CARD14: variants seen among roughly 807,000 people sequenced by gnomAD.
The protein encoded by CARD14 is caspase recruitment domain family member 14.
In CARD14, 107 loss-of-function variants were observed where a neutral mutation model predicts 111.5. The observed-to-expected ratio is 0.96, with a 90% CI of 0.82 to 1.13. The LOEUF (loss-of-function observed/expected upper bound fraction) is 1.13, where lower values mean the gene tolerates loss of function less well. Among genes scored for constraint, CARD14 ranks in the 50% most tolerant of loss-of-function variants. The pLI is 0.00. For synonymous variants in CARD14, 617 were observed against 579.6 expected, an observed-to-expected ratio of 1.06 and a Z score of -0.93; for missense variants, 1,322 against 1,362.3, an observed-to-expected ratio of 0.97 and a Z score of 0.47.
In CARD14 at chr17:80,195,891, G is replaced by T; in HGVS notation, c.1594+239G>T. The T allele has an allele frequency of 1.9e-6, 1 of 522,622 alleles. No individual in the cohort carries two copies. The highest frequency in any genetic ancestry group is 3.4e-6 in the Non-Finnish European group (1 of 292,540). 32.4% of individuals were successfully genotyped at this position (522,622 alleles called of 1,614,324 possible). On this transcript the variant is annotated intron_variant, in intron 14 of 23. Transcript: ENST00000648509. This position sits in a 1 kb window ranked among gnomAD's most constrained non-coding sequence, Gnocchi z 4.7. ...GCTGGTGTCCTTGTGTTTTTCCCTA[G>T]AGCCAGGGGAGTTGTGTCTGATCCA...
Position 80,201,662 on chromosome 17 carries a change from T to C in CARD14, c.1852-82T>C. On this transcript the variant is annotated intron_variant, in intron 16 of 23. Transcript: ENST00000648509. The surrounding 1 kb of genome is among the most constrained non-coding windows in gnomAD (Gnocchi z 5.0). ...CGGCAGGGCTGGCCCGCGCCTCGCC[T>C]CAGTGCCCTCAGCGCCTTCTGTCTT... 1.3e-6 allele frequency: 2 copies of C among 1,507,294 alleles called. No individual in the cohort carries two copies. Among genetic ancestry groups the C allele is most frequent in the Admixed American group, 1.7e-5 (1 of 59,744 alleles). The allele number at this position is 1,507,294 out of a possible 1,614,324, so 93.4% of individuals were successfully genotyped here.
Position 80,195,983 on chromosome 17 carries a change from G to T in CARD14, c.1594+331G>T, listed in dbSNP as rs1490184467. On this transcript the variant is annotated intron_variant, in intron 14 of 23. Coordinates refer to ENST00000648509, the MANE Select transcript of CARD14 (RefSeq NM_001366385.1). This position sits in a 1 kb window ranked among gnomAD's most constrained non-coding sequence, Gnocchi z 4.7. ...CTTGGGCTTCCCAGTGGTTTCAGAA[G>T]GCAGCAGGCAGGGTGGCTTAGTGGT... The T allele has an allele frequency of 8.2e-6, 2 of 245,236 alleles. No individual in the cohort carries two copies. Among genetic ancestry groups the T allele is most frequent in the Non-Finnish European group, 1.6e-5 (2 of 126,890 alleles). 15.2% of individuals were successfully genotyped at this position (245,236 alleles called of 1,614,324 possible).
chr17:80,204,902 A>C, intron 20 of CARD14, 133 bp from the exon 21 acceptor site: 2 of 742,294 alleles, frequency 2.7e-6, no homozygotes, highest in South Asian at 3.9e-5. Context: ...GTGACCGCTG[A>C]GCCTGTGCCC....
Position 80,198,379 on chromosome 17 carries a change from G to A in CARD14, c.1659-20G>A, listed in dbSNP as rs1207748357. The stretch of plus-strand genomic sequence containing the variant: ...TCCTGCTCTGGGCAGTGCACAAGCC[G>A]GTCGTCTCCCGGCCTGCAGCGGCGT... On this transcript the variant is annotated intron_variant, in intron 15 of 23. Coordinates refer to ENST00000648509, the MANE Select transcript of CARD14 (RefSeq NM_001366385.1). This position sits in a 1 kb window ranked among gnomAD's most constrained non-coding sequence, Gnocchi z 7.5. 1.7e-5 allele frequency: 27 copies of A among 1,585,552 alleles called. No homozygotes were observed. Among genetic ancestry groups the A allele is most frequent in the East Asian group, 9.0e-5 (4 of 44,440 alleles).
intron 16 of CARD14, among the ~76,000 whole-genome samples, chr17:80,200,213 C>T (rs1237344157): frequency 2.0e-5 from 3 of 149,840 alleles, no homozygotes; most frequent in African/African-American, 7.4e-5. Context: ...ACCCGGGAAG[C>T]CTTTCTTTAC....
At chr17:80,184,261 G>A (rs896954975) in intron 7 of CARD14, 23 bp downstream of exon 7, 32 of 1,486,986 alleles carry the variant, frequency 2.2e-5, no homozygotes, top group South Asian at 8.2e-5. Flanking sequence ...CCTGCACCCC[G>A]GCGCGACCCT....
At chr17:80,206,563 C>A (rs2041323066) in intron 22 of CARD14, among the ~76,000 whole-genome samples, 2 of 152,326 alleles carry the variant, frequency 1.3e-5, no homozygotes, top group African/African-American at 4.8e-5. Context: ...GTCAGGAGAT[C>A]AAGACCATCC....
chr17:80,205,596 G>A lies in CARD14; in HGVS notation c.2635G>A (p.Val879Met), dbSNP rs764537252. 2.5e-6 allele frequency: 4 copies of A among 1,571,548 alleles called. No homozygotes were observed. The highest frequency in any genetic ancestry group is 1.2e-5 in the South Asian group (1 of 85,700). Residue 879 changes from valine to methionine, a missense_variant, in exon 22 of 24, where the codon GTG (valine) becomes ATG (methionine). Physicochemically the swap from Val to Met is conservative, Grantham distance 21. Coordinates refer to ENST00000648509, the MANE Select transcript of CARD14 (RefSeq NM_001366385.1). The part of the protein sequence containing the change: ...QRGDIIQEGE[V>M]SGGRCWVTRH... ...AGGGGACATCATCCAGGAGGGAGAGGTGTCCGGGGGCCGCTGCTGGGTGAC... is the reference window on the plus strand; with the variant it reads ...AGGGGACATCATCCAGGAGGGAGAGATGTCCGGGGGCCGCTGCTGGGTGAC...
chr17:80,208,666 C>G lies in CARD14; in HGVS notation c.*321C>G. The G allele has an allele frequency of 3.6e-6, 1 of 275,408 alleles. No homozygotes were observed. Among genetic ancestry groups the G allele is most frequent in the Non-Finnish European group, 6.8e-6 (1 of 147,650 alleles). The allele number at this position is 275,408 out of a possible 1,614,324, so 17.1% of individuals were successfully genotyped here. ...ATGCCTTCCCTAGAACCGGAGGCCCCGGACTTCTCTGGAAAACCGCCTGTC... is the reference window on the plus strand; with the variant it reads ...ATGCCTTCCCTAGAACCGGAGGCCCGGGACTTCTCTGGAAAACCGCCTGTC... On this transcript the variant is annotated 3_prime_UTR_variant, in exon 24 of 24. Transcript: ENST00000648509.
intron 11 of CARD14, among the ~76,000 whole-genome samples, chr17:80,191,988 G>C (rs1598658205): frequency 6.6e-6 from 1 of 152,184 alleles, no homozygotes; most frequent in African/African-American, 2.4e-5. Flanking sequence ...AGGCAAAGGA[G>C]CTCCTCCCTC....
chr17:80,191,039 G>A (rs2040509978), intron 10 of CARD14, 140 bp downstream of exon 10: 5 of 1,223,054 alleles, frequency 4.1e-6, no homozygotes, highest in East Asian at 2.5e-5. Context: ...CGGTCCACAC[G>A]AAGTTTCTTC....
chr17:80,201,967 C>A lies in CARD14; in HGVS notation c.1978+97C>A. 2 of 1,451,146 alleles carry A rather than the reference C, an allele frequency of 1.4e-6. No individual in the cohort carries two copies. Among genetic ancestry groups the A allele is most frequent in the Non-Finnish European group, 9.3e-7 (1 of 1,075,384 alleles). 89.9% of individuals were successfully genotyped at this position (1,451,146 alleles called of 1,614,324 possible). The stretch of plus-strand genomic sequence containing the variant: ...CTTCTGCACGCCCAGCAGCCAGGGA[C>A]CCCCAGAGCCAAGAGAGGATCAGCC... On this transcript the variant is annotated intron_variant, in intron 17 of 23. Coordinates refer to ENST00000648509, the MANE Select transcript of CARD14 (RefSeq NM_001366385.1). This position sits in a 1 kb window ranked among gnomAD's most constrained non-coding sequence, Gnocchi z 5.0.
chr17:80,190,330 C>T (rs756971826), intron 9 of CARD14, among the ~76,000 whole-genome samples: 2 of 152,034 alleles, frequency 1.3e-5, no homozygotes, highest in Non-Finnish European at 2.9e-5. Flanking sequence ...AAGAGACGAG[C>T]GAGGCCGGGC....
In CARD14 at chr17:80,205,548, G is replaced by A. The variant is rs1187173821; in HGVS notation, c.2587G>A (p.Glu863Lys). ...ACCTGTAGAGTACTTGAGCCAGGAG[G>A]AGTATGAGGCCTGGAGCCAGAGAGG... ...KCLAEYLSQEEYEAWSQRGDI... is the reference protein window; with the variant it reads ...KCLAEYLSQEKYEAWSQRGDI... The change falls in exon 22 of 24, where the codon GAG (glutamate) becomes AAG (lysine). Residue 863 changes from glutamate (E) to lysine (K), a missense_variant. Transcript: ENST00000648509. The A allele has an allele frequency of 3.8e-6, 6 of 1,585,884 alleles. No homozygotes were observed. Among genetic ancestry groups the A allele is most frequent in the Non-Finnish European group, 5.1e-6 (6 of 1,165,532 alleles).
rs567771812 is a variant in CARD14, at chr17:80,182,230, G to A, written c.212-423G>A. On this transcript the variant is annotated intron_variant, in intron 5 of 23. Transcript: ENST00000648509. The surrounding 1 kb of genome is among the most constrained non-coding windows in gnomAD (Gnocchi z 4.7). ...CGAGGCTCTCTGGGACCTGTCACCC[G>A]CAGCCCCGGGGTGCCACTCTGCTTT... 7.9e-5 allele frequency among the ~76,000 whole-genome samples: 12 copies of A among 152,276 alleles called. No individual in the cohort carries two copies. In the South Asian group the frequency reaches 1.7e-3, roughly 21 times the overall value.
Position 80,182,681 on chromosome 17 carries a change from A to G in CARD14, c.240A>G (p.Arg80=), listed in dbSNP as rs1257790253. The part of the protein sequence containing the change: ...AGHLLDLLKT[R]GKNGAIAFLE... ...ACTTGCTGGATTTGCTGAAGACTCG[A>G]GGGAAGAACGGGGCCATCGCCTTCC... Residue 80 remains arginine, a synonymous_variant, in exon 6 of 24, where the codon CGA becomes CGG. Transcript: ENST00000648509. This position sits in a 1 kb window ranked among gnomAD's most constrained non-coding sequence, Gnocchi z 4.7. 1 of 1,613,966 alleles carries G rather than the reference A, an allele frequency of 6.2e-7. No individual in the cohort carries two copies. Among genetic ancestry groups the G allele is most frequent in the Admixed American group, 1.7e-5 (1 of 59,994 alleles).
intron 2 of CARD14, among the ~76,000 whole-genome samples, chr17:80,173,564 G>A (rs2039958289): frequency 6.6e-6 from 1 of 151,686 alleles, no homozygotes; most frequent in African/African-American, 2.4e-5. Context: ...TGCTCCTTGA[G>A]GAGCTGGGCT....
In CARD14 at chr17:80,201,798, CT is replaced by C; in HGVS notation, c.1907del (p.Leu636ArgfsTer19). The C allele has an allele frequency of 6.2e-7, 1 of 1,613,876 alleles. No individual in the cohort carries two copies. The highest frequency in any genetic ancestry group is 2.2e-5 in the East Asian group (1 of 44,874). On this transcript the variant is annotated frameshift_variant, in exon 17 of 24. Coordinates refer to ENST00000648509, the MANE Select transcript of CARD14 (RefSeq NM_001366385.1). LOFTEE classifies it high-confidence loss of function. The surrounding 1 kb of genome is among the most constrained non-coding windows in gnomAD (Gnocchi z 5.0). Reference protein sequence around the residue: ...LFKAVLEDTTLEEAVGLLRRV... With the variant: ...LFKAVLEDTTXEEAVGLLRRV... ...CAAGGCAGTCCTGGAGGACACGACC[CT>C]GGAGGAGGCCGTGGGGCTTCTCAGG...
rs766016729 is a variant in CARD14, at chr17:80,189,908, TG to T, written c.963+40del. 1.6e-5 allele frequency: 25 copies of T among 1,577,648 alleles called. No homozygotes were observed. Among genetic ancestry groups the T allele is most frequent in the Non-Finnish European group, 2.1e-5 (24 of 1,167,584 alleles). On this transcript the variant is annotated intron_variant, in intron 9 of 23. Coordinates refer to ENST00000648509, the MANE Select transcript of CARD14 (RefSeq NM_001366385.1). The surrounding 1 kb of genome is among the most constrained non-coding windows in gnomAD (Gnocchi z 4.7). ...AGCCCTTCCTCCCTTGTGACTCTCC[TG>T]GGGCTTGTCTCAGGGGTGCGGACAG...
Sources: allele counts gnomAD v4.1 joint callset (sites outside exome capture counted in the v4.1 genomes callset), GRCh38; gene constraint gnomAD v4.1.1; non-coding constraint Gnocchi (gnomAD v3.1); transcripts MANE v1.5; gene names NCBI Gene and HGNC (gene_info 2026-07-23, HGNC 2026-07-21).